NUP93: variants seen among roughly 807,000 people sequenced by gnomAD.
NUP93 encodes nuclear pore complex protein Nup93.
NUP93 carries 55 observed loss-of-function variants against 107.8 expected under a neutral mutation model. The ratio of observed to expected loss-of-function variants is 0.51; its 90% CI spans 0.41 to 0.64. The LOEUF (loss-of-function observed/expected upper bound fraction) is 0.64, where lower values mean the gene tolerates loss of function less well. NUP93 is among the 30% of genes least tolerant of loss of function. NUP93 has a pLI of 0.00. For synonymous variants in NUP93, 390 were observed against 397.5 expected (o/e 0.98, Z 0.22); for missense variants, 937 against 1,044.7 (o/e 0.90, Z 1.42).
chr16:56,763,482 T>TTG (rs531810469), intron 3 of NUP93, among the ~76,000 whole-genome samples: 56 of 150,384 alleles, frequency 3.7e-4, no homozygotes, highest in East Asian at 1.4e-3. Flanking sequence ...AAGGAACTGC[T>TTG]TGTGTGTGTG....
intron 3 of NUP93, among the ~76,000 whole-genome samples, chr16:56,785,086 C>G (rs1962596680): frequency 6.6e-6 from 1 of 152,152 alleles, no homozygotes; most frequent in Admixed American, 6.5e-5. Context: ...TGGTAGAATG[C>G]AAAGGGATTC....
chr16:56,831,771 G>A lies in NUP93; in HGVS notation c.1086-71G>A, dbSNP rs369949218. The A allele has an allele frequency of 3.5e-4, 533 of 1,504,324 alleles. 2 individuals carry two copies. The African/African-American group carries it at 4.2e-3, about 12-fold the overall frequency. The allele number at this position is 1,504,324 out of a possible 1,614,324, so 93.2% of individuals were successfully genotyped here. On this transcript the variant is annotated intron_variant, in intron 10 of 21. Coordinates refer to ENST00000308159, the MANE Select transcript of NUP93 (RefSeq NM_014669.5). Reference sequence around the variant, plus strand: ...CCTGCTTTTATGTGTTTGGGACCTGGGACGCTTTCAGATGCCCTTGAGGAT... The same window carrying A: ...CCTGCTTTTATGTGTTTGGGACCTGAGACGCTTTCAGATGCCCTTGAGGAT...
intron 6 of NUP93, among the ~76,000 whole-genome samples, chr16:56,820,833 G>T (rs1963527750): frequency 6.6e-6 from 1 of 152,136 alleles, no homozygotes; most frequent in South Asian, 2.1e-4. Context: ...ATCTTAACTA[G>T]TGAAGTCCTG....
Position 56,846,683 on chromosome 16 carries a change from C to T in NUP93, c.*2074C>T, listed in dbSNP as rs1410265892. ...CGAGCTTATGCCACTGCACTCCAGCCTAGGCGATGGAGTGAGGCTCTGATT... is the reference window on the plus strand; with the variant it reads ...CGAGCTTATGCCACTGCACTCCAGCTTAGGCGATGGAGTGAGGCTCTGATT... On this transcript the variant is annotated 3_prime_UTR_variant, in exon 22 of 22. Coordinates refer to ENST00000308159, the MANE Select transcript of NUP93 (RefSeq NM_014669.5). 1 of 152,186 alleles carries T rather than the reference C, an allele frequency of 6.6e-6. No individual in the cohort carries two copies. The highest frequency in any genetic ancestry group is 1.9e-4 in the East Asian group (1 of 5,198). The allele number at this position is 152,186 out of a possible 1,614,324, so 9.4% of individuals were successfully genotyped here.
At chr16:56,778,048 G>T (rs1366867843) in intron 3 of NUP93, among the ~76,000 whole-genome samples, 1 of 152,150 alleles carries the variant, frequency 6.6e-6, no homozygotes. Flanking sequence ...TCTACCTATA[G>T]AGCCAACACC....
At chr16:56,838,895 A>G (rs1963964338) in intron 18 of NUP93, 57 bp from the exon 19 acceptor site, 1 of 1,210,694 alleles carries the variant, frequency 8.3e-7, no homozygotes, top group African/African-American at 1.5e-5. Flanking sequence ...ACTGTTACGG[A>G]TTACACAGAA....
At chr16:56,831,283 C>T (rs781341394) in intron 10 of NUP93, among the ~76,000 whole-genome samples, 2 of 152,142 alleles carry the variant, frequency 1.3e-5, no homozygotes, top group Non-Finnish European at 2.9e-5. Flanking sequence ...GAAATGATGG[C>T]GGTTACTGTA....
At chr16:56,730,795 C>G (rs1961522142) in intron 1 of NUP93, among the ~76,000 whole-genome samples, 1 of 152,200 alleles carries the variant, frequency 6.6e-6, no homozygotes, top group Admixed American at 6.5e-5. Context: ...GAGGCGATGC[C>G]CAAGTTCACT....
Position 56,844,916 on chromosome 16 carries a change from A to G in NUP93, c.*307A>G. On this transcript the variant is annotated 3_prime_UTR_variant, in exon 22 of 22. Coordinates refer to ENST00000308159, the MANE Select transcript of NUP93 (RefSeq NM_014669.5). ...TCATTATTTGGTTAAATTGACCTTA[A>G]TTAATTAAAAATCTACCCAAAATGA... 2.6e-6 allele frequency: 1 copy of G among 381,388 alleles called. No homozygotes were observed. The highest frequency in any genetic ancestry group is 3.7e-5 in the East Asian group (1 of 26,828). 23.6% of individuals were successfully genotyped at this position (381,388 alleles called of 1,614,324 possible).
chr16:56,841,527 T>C (rs1398054935), intron 20 of NUP93, 178 bp from the exon 21 acceptor site: 23 of 685,452 alleles, frequency 3.4e-5, no homozygotes, highest in Non-Finnish European at 5.3e-5. Flanking sequence ...TGGGTTTTTT[T>C]CTCACACTTG....
At chr16:56,753,195 T>C (rs4784727) in intron 2 of NUP93, among the ~76,000 whole-genome samples, 91,660 of 152,038 alleles carry the variant, frequency 0.6, 28,496 homozygotes, top group East Asian at 0.84. Context: ...CTAATGAAGA[T>C]GGAATTAGGA....
At chr16:56,765,967 A>G (rs1314123155) in intron 3 of NUP93, among the ~76,000 whole-genome samples, 1 of 128,532 alleles carries the variant, frequency 7.8e-6, no homozygotes, top group African/African-American at 2.5e-5. Flanking sequence ...TATTCTGTGA[A>G]TGGAATTAAA....
Position 56,832,340 on chromosome 16 carries a change from G to A in NUP93, c.1297G>A (p.Asp433Asn). Residue 433 changes from aspartate (D) to asparagine (N), a missense_variant, in exon 12 of 22, where the codon GAC (aspartate) becomes AAC (asparagine). By Grantham distance (23) the Asp-to-Asn change is conservative. Coordinates refer to ENST00000308159, the MANE Select transcript of NUP93 (RefSeq NM_014669.5). ...CGACGATGGCACCAGCTCCCCACAAGACAGGCTCACTCTCTCACAGTTCCA... is the reference window on the plus strand; with the variant it reads ...CGACGATGGCACCAGCTCCCCACAAAACAGGCTCACTCTCTCACAGTTCCA... ...FDDDGTSSPQ[D>N]RLTLSQFQKQ... is the part of the protein sequence containing the mutation. The A allele has an allele frequency of 1.9e-6, 3 of 1,614,192 alleles. No homozygotes were observed. Among genetic ancestry groups the A allele is most frequent in the Non-Finnish European group, 2.5e-6 (3 of 1,180,032 alleles).
chr16:56,814,670 CTT>C (rs1472040993), intron 5 of NUP93, among the ~76,000 whole-genome samples: 11 of 152,234 alleles, frequency 7.2e-5, no homozygotes, highest in Non-Finnish European at 1.2e-4. Flanking sequence ...TCTGACGAGA[CTT>C]TTCTCAGTTT....
intron 4 of NUP93, among the ~76,000 whole-genome samples, chr16:56,802,318 C>T (rs1265872563): frequency 2.0e-5 from 3 of 150,074 alleles, no homozygotes; most frequent in Non-Finnish European, 4.4e-5. Context: ...CCCCACCCCA[C>T]CTTTGTGTTC....
At chr16:56,790,127 C>CAAAACAAAACAA (rs1371152414) in intron 3 of NUP93, among the ~76,000 whole-genome samples, 16 of 141,650 alleles carry the variant, frequency 1.1e-4, no homozygotes, top group African/African-American at 4.0e-4. Context: ...CAAAACAAAA[C>CAAAACAAAACAA]AAAAAAACAA....
At chr16:56,817,365 T>C (rs1963455119) in intron 5 of NUP93, among the ~76,000 whole-genome samples, 1 of 152,214 alleles carries the variant, frequency 6.6e-6, no homozygotes, top group Admixed American at 6.5e-5. Flanking sequence ...TCCTGGTGCA[T>C]GCCCACTGTA....
chr16:56,794,128 AGATG>A (rs1176595075), intron 3 of NUP93, among the ~76,000 whole-genome samples: 9 of 151,066 alleles, frequency 6.0e-5, no homozygotes, highest in Non-Finnish European at 7.4e-5. Flanking sequence ...ATAGATAGAT[AGATG>A]TGTTATTATT....
intron 3 of NUP93, among the ~76,000 whole-genome samples, chr16:56,775,622 GT>G (rs1222492767): frequency 2.6e-5 from 4 of 152,182 alleles, no homozygotes; most frequent in African/African-American, 9.7e-5. Context: ...CTGGGCCATT[GT>G]TTTTAAAACC....
Sources: allele counts gnomAD v4.1 joint callset (sites outside exome capture counted in the v4.1 genomes callset), GRCh38; gene constraint gnomAD v4.1.1; transcripts MANE v1.5; gene names NCBI Gene and HGNC (gene_info 2026-07-23, HGNC 2026-07-21).